CFAP299: variants seen among roughly 807,000 people sequenced by gnomAD.
The protein encoded by CFAP299 is cilia- and flagella-associated protein 299.
Under a neutral mutation model 27.0 loss-of-function variants are expected in CFAP299, and 21 were observed. The ratio of observed to expected loss-of-function variants is 0.78; its 90% CI spans 0.55 to 1.12. The LOEUF (loss-of-function observed/expected upper bound fraction) is 1.12, where lower values mean the gene tolerates loss of function less well. CFAP299 is among the 50% of genes most tolerant of loss of function. The pLI, the probability that CFAP299 is intolerant of heterozygous loss-of-function variation, is 0.00. For missense variants in CFAP299, 310 were observed against 276.6 expected, an observed-to-expected ratio of 1.12 and a Z score of -0.86; for synonymous variants, 104 against 98.1, an observed-to-expected ratio of 1.06 and a Z score of -0.36.
chr4:80,473,596 G>A (rs1730121394), intron 2 of CFAP299, among the ~76,000 whole-genome samples: 1 of 151,744 alleles, frequency 6.6e-6, no homozygotes, highest in Non-Finnish European at 1.5e-5. Flanking sequence ...TTTGAGACAG[G>A]ATCTCACCTT....
At position 80,619,365 on chromosome 4, in the gene CFAP299, G is replaced by A. The variant is rs192419578; in HGVS notation, c.333+36182G>A. ...CGTTGACATTCTATTTCCTTCTTAT[G>A]CTTTTTTAAATAATTAATCTTTCTG... On this transcript the variant is annotated intron_variant, in intron 3 of 5. Coordinates refer to ENST00000358105, the MANE Select transcript of CFAP299 (RefSeq NM_152770.3). 3.1e-3 allele frequency among the ~76,000 whole-genome samples: 472 copies of A among 152,152 alleles called. 1 individual carries two copies. The highest frequency in any genetic ancestry group is 0.01 in the Middle Eastern group (3 of 294).
chr4:80,722,547 A>G (rs1722889646), intron 3 of CFAP299, among the ~76,000 whole-genome samples: 1 of 152,204 alleles, frequency 6.6e-6, no homozygotes, highest in Non-Finnish European at 1.5e-5. Flanking sequence ...GAAAAAAAAT[A>G]CTTTCAAAGT....
chr4:80,403,317 T>G (rs889052436), intron 2 of CFAP299, among the ~76,000 whole-genome samples: 1 of 152,230 alleles, frequency 6.6e-6, no homozygotes, highest in Non-Finnish European at 1.5e-5. Flanking sequence ...TAGTTGCTCT[T>G]TGCGATAAGC....
At position 80,852,729 on chromosome 4, in the gene CFAP299, C is replaced by T. The variant is rs1262700281; in HGVS notation, c.334-17264C>T. On this transcript the variant is annotated intron_variant, in intron 3 of 5. Transcript: ENST00000358105. The stretch of plus-strand genomic sequence containing the variant: ...TTATTTCTCTATTCACTCTTTAATT[C>T]ATCATAGTTGGCCTCATCATCTATT... Among the ~76,000 whole-genome samples the T allele has an allele frequency of 5.3e-5, 8 of 152,178 alleles. 1 individual carries two copies. The highest frequency in any genetic ancestry group is 1.5e-5 in the Non-Finnish European group (1 of 68,034).
chr4:80,375,056 C>A (rs1344262858), intron 2 of CFAP299, among the ~76,000 whole-genome samples: 1 of 152,050 alleles, frequency 6.6e-6, no homozygotes, highest in East Asian at 1.9e-4. Flanking sequence ...TCCAAGAAAC[C>A]TGGAACAAGC....
chr4:80,733,678 T>G (rs1723676757), intron 3 of CFAP299, among the ~76,000 whole-genome samples: 1 of 152,100 alleles, frequency 6.6e-6, no homozygotes. Flanking sequence ...TTCAATTCTT[T>G]TGATTTTTGG....
At chr4:80,800,285 A>G (rs1728369771) in intron 3 of CFAP299, among the ~76,000 whole-genome samples, 1 of 74,812 alleles carries the variant, frequency 1.3e-5, no homozygotes, top group South Asian at 4.2e-4. Flanking sequence ...ATAATATATA[A>G]TATATTAATA....
intron 3 of CFAP299, among the ~76,000 whole-genome samples, chr4:80,863,354 C>T (rs1341686104): frequency 6.6e-6 from 1 of 152,032 alleles, no homozygotes; most frequent in Non-Finnish European, 1.5e-5. Context: ...GTATTTTAAT[C>T]CACTTCTGGG....
intron 2 of CFAP299, among the ~76,000 whole-genome samples, chr4:80,581,767 C>A (rs1736187840): frequency 2.0e-5 from 3 of 151,698 alleles, no homozygotes; most frequent in Admixed American, 6.6e-5. Context: ...CTTAATTAAT[C>A]CCTGCAGTGT....
intron 2 of CFAP299, chr4:80,387,092 A>G (rs1297151922): frequency 5.5e-6 from 8 of 1,447,176 alleles, no homozygotes; most frequent in Non-Finnish European, 6.8e-6. Context: ...TCTGCAGGTG[A>G]TGCTCCAGGG....
At chr4:80,379,555 A>T (rs1034150774) in intron 2 of CFAP299, among the ~76,000 whole-genome samples, 7 of 151,808 alleles carry the variant, frequency 4.6e-5, no homozygotes, top group African/African-American at 1.7e-4. Flanking sequence ...CTATGCACTG[A>T]TTTAGTTGGA....
At chr4:80,336,094 G>A (rs1417697577) in intron 1 of CFAP299, among the ~76,000 whole-genome samples, 1 of 152,204 alleles carries the variant, frequency 6.6e-6, no homozygotes, top group Non-Finnish European at 1.5e-5. Flanking sequence ...GGCCCCTAGA[G>A]TCACCCAGCG....
At chr4:80,588,195 G>A (rs990436188) in intron 3 of CFAP299, among the ~76,000 whole-genome samples, 1 of 151,008 alleles carries the variant, frequency 6.6e-6, no homozygotes, top group Admixed American at 6.6e-5. Flanking sequence ...TGTCACAGAG[G>A]TGGGAGATGG....
intron 3 of CFAP299, among the ~76,000 whole-genome samples, chr4:80,804,275 A>G (rs1310472588): frequency 6.6e-6 from 1 of 152,026 alleles, no homozygotes; most frequent in East Asian, 1.9e-4. Flanking sequence ...CTTAAACAAC[A>G]TTTCCCAATT....
chr4:80,930,467 A>T (rs78219478), intron 4 of CFAP299, among the ~76,000 whole-genome samples: 3,761 of 152,280 alleles, frequency 0.025, 70 homozygotes, highest in South Asian at 0.079. Flanking sequence ...TGACATCTGA[A>T]GTGGATGTTG....
intron 4 of CFAP299, among the ~76,000 whole-genome samples, chr4:80,909,038 A>C (rs1735330117): frequency 6.6e-6 from 1 of 152,140 alleles, no homozygotes; most frequent in African/African-American, 2.4e-5. Context: ...AGCATAGGTA[A>C]AGCTTCATGC....
At chr4:80,856,524 T>G (rs1228053769) in intron 3 of CFAP299, among the ~76,000 whole-genome samples, 1 of 152,042 alleles carries the variant, frequency 6.6e-6, no homozygotes, top group Non-Finnish European at 1.5e-5. Flanking sequence ...TTCTAGGGTT[T>G]TTATGGTTTT....
chr4:80,444,775 C>T (rs866332216), intron 2 of CFAP299, among the ~76,000 whole-genome samples: 6 of 152,210 alleles, frequency 3.9e-5, no homozygotes, highest in African/African-American at 1.4e-4. Flanking sequence ...TTGCAATCTA[C>T]TCATCTGACA....
At chr4:80,331,986 C>T (rs996006089), upstream of CFAP299, among the ~76,000 whole-genome samples, 1 of 152,130 alleles carries the variant, frequency 6.6e-6, no homozygotes. Flanking sequence ...GAAGAAACAG[C>T]TAATGGAAAA....
Sources: allele counts gnomAD v4.1 joint callset (sites outside exome capture counted in the v4.1 genomes callset), GRCh38; gene constraint gnomAD v4.1.1; transcripts MANE v1.5; gene names NCBI Gene and HGNC (gene_info 2026-07-23, HGNC 2026-07-21).